ALKAL1: variants seen among roughly 807,000 people sequenced by gnomAD.
ALKAL1 encodes ALK and LTK ligand 1.
ALKAL1 carries 23 observed loss-of-function variants against 13.5 expected under a neutral mutation model. The observed-to-expected ratio is 1.70, with a 90% CI of 1.23 to 2.41. The LOEUF is 2.41. Among genes scored for constraint, ALKAL1 ranks in the 30% most tolerant of loss-of-function variants. ALKAL1 has a pLI of 0.00. For synonymous variants in ALKAL1, 85 were observed against 77.7 expected, an observed-to-expected ratio of 1.09 and a Z score of -0.49; for missense variants, 181 against 178.4, an observed-to-expected ratio of 1.01 and a Z score of -0.08.
intron 1 of ALKAL1, among the ~76,000 whole-genome samples, chr8:52,556,365 A>G (rs1847481050): frequency 6.6e-6 from 1 of 152,148 alleles, no homozygotes. Context: ...TTGGATGGAT[A>G]GGCCGGGCGC....
At chr8:52,554,307 A>G (rs1006542517) in intron 1 of ALKAL1, among the ~76,000 whole-genome samples, 1 of 152,254 alleles carries the variant, frequency 6.6e-6, no homozygotes, top group Non-Finnish European at 1.5e-5. Flanking sequence ...ATGTGTAATC[A>G]GTTATTAAGA....
At chr8:52,547,202 A>G (rs1249593332) in intron 1 of ALKAL1, among the ~76,000 whole-genome samples, 8 of 152,212 alleles carry the variant, frequency 5.3e-5, no homozygotes, top group Admixed American at 2.6e-4. Context: ...ACTGAATATA[A>G]GAAAATTACC....
rs150742227 is a variant in ALKAL1 at position 52,543,167 on chromosome 8, C to T, written c.191-722G>A. 5.6e-3 allele frequency among the ~76,000 whole-genome samples: 847 copies of T among 152,338 alleles called. 7 individuals carry two copies. Among genetic ancestry groups the T allele is most frequent in the African/African-American group, 0.02 (812 of 41,580 alleles). ...ATCCAGAAAATGCAATTTATACAAACAATCGGGAGCATGTGCAACTCTTTC... is the reference window on the plus strand; with the variant it reads ...ATCCAGAAAATGCAATTTATACAAATAATCGGGAGCATGTGCAACTCTTTC... On this transcript the variant is annotated intron_variant, in intron 1 of 4. Transcript: ENST00000358543.
intron 4 of ALKAL1, 76 bp from the exon 5 acceptor site, chr8:52,534,676 A>C: frequency 4.1e-6 from 2 of 483,032 alleles, no homozygotes; most frequent in Non-Finnish European, 3.6e-6. Flanking sequence ...CAGTTTCAAC[A>C]GTTTTATTTT....
Position 52,565,074 on chromosome 8 carries a change from C to T in ALKAL1, c.183G>A (p.Arg61=). 1.4e-6 allele frequency: 2 copies of T among 1,402,126 alleles called. No individual in the cohort carries two copies. Among genetic ancestry groups the T allele is most frequent in the Non-Finnish European group, 1.9e-6 (2 of 1,075,796 alleles). The allele number at this position is 1,402,126 out of a possible 1,614,324, so 86.9% of individuals were successfully genotyped here. ...GGGATGGGGACATCGTACCTGCGCT[C>T]CGGGAGCCGCTGGGAGTCCGGCCGG... ...AGAGRTPSGS[R]SAEIFPRDSN... Residue 61 remains arginine (R), a synonymous_variant, in exon 1 of 5, where the codon CGG becomes CGA. Coordinates refer to ENST00000358543, the MANE Select transcript of ALKAL1 (RefSeq NM_207413.4).
At chr8:52,535,800 G>T (rs948359902) in intron 4 of ALKAL1, among the ~76,000 whole-genome samples, 3 of 152,198 alleles carry the variant, frequency 2.0e-5, no homozygotes, top group Non-Finnish European at 2.9e-5. Context: ...GATAGGTCAA[G>T]ATTGTCTCAG....
At chr8:52,544,038 G>A (rs981221575) in intron 1 of ALKAL1, among the ~76,000 whole-genome samples, 1 of 151,834 alleles carries the variant, frequency 6.6e-6, no homozygotes, top group African/African-American at 2.4e-5. Context: ...AGCATGATGG[G>A]GCACCGTGTG....
intron 3 of ALKAL1, among the ~76,000 whole-genome samples, chr8:52,539,489 T>C (rs1204482611): frequency 1.3e-5 from 2 of 152,170 alleles, no homozygotes. Context: ...TACTTAGAGT[T>C]CACAGTCATC....
intron 1 of ALKAL1, among the ~76,000 whole-genome samples, chr8:52,552,705 G>T (rs1264044999): frequency 6.6e-6 from 1 of 152,190 alleles, no homozygotes; most frequent in Non-Finnish European, 1.5e-5. Context: ...CTTGGCTCCT[G>T]TGTTCCTTTG....
At position 52,534,324 on chromosome 8, in the gene ALKAL1, C is replaced by G. The variant is rs1847247310; in HGVS notation, c.*289G>C. 3.7e-6 allele frequency: 1 copy of G among 272,098 alleles called. No individual in the cohort carries two copies. The highest frequency in any genetic ancestry group is 2.2e-5 in the African/African-American group (1 of 45,658). The allele number at this position is 272,098 out of a possible 1,614,324, so 16.9% of individuals were successfully genotyped here. A position where few individuals can be genotyped will look rare whatever the true frequency, so the allele number is the denominator to read the frequency against. On this transcript the variant is annotated 3_prime_UTR_variant, in exon 5 of 5. Transcript: ENST00000358543. ...TAACCATATAAAGAAAATAATATAT[C>G]TAGTAAAAATAAAATACAATCACAC...
Position 52,562,092 on chromosome 8 carries a change from C to T in ALKAL1, c.190+2975G>A, listed in dbSNP as rs1323318075. 2.0e-5 allele frequency among the ~76,000 whole-genome samples: 3 copies of T among 152,052 alleles called. No individual in the cohort carries two copies. In the East Asian group the frequency reaches 5.8e-4, roughly 29 times the overall value. On this transcript the variant is annotated intron_variant, in intron 1 of 4. Transcript: ENST00000358543. ...CCTTTGGCAGGGTTTGAGGTATGGT[C>T]CCTTGTTTGTGCCATCCTGCTGGTG...
Position 52,539,812 on chromosome 8 carries a change from A to AC in ALKAL1, c.325+18dup, listed in dbSNP as rs5891468. 63 of 1,560,276 alleles carry AC rather than the reference A, an allele frequency of 4.0e-5. No individual in the cohort carries two copies. The highest frequency in any genetic ancestry group is 1.6e-4 in the East Asian group (7 of 44,598). The stretch of plus-strand genomic sequence containing the variant: ...TTGTTGGATAATTAAAAAAAAAAAA[A>AC]CCCACCCAAGTTACTTACAAGCTGG... On this transcript the variant is annotated intron_variant, in intron 3 of 4. Coordinates refer to ENST00000358543, the MANE Select transcript of ALKAL1 (RefSeq NM_207413.4).
At chr8:52,542,581 GT>G in intron 1 of ALKAL1, 136 bp from the exon 2 acceptor site, 1 of 619,030 alleles carries the variant, frequency 1.6e-6, no homozygotes, top group Non-Finnish European at 2.8e-6. Flanking sequence ...TCCCAAACTG[GT>G]TTCTCCAGCC....
intron 1 of ALKAL1, among the ~76,000 whole-genome samples, chr8:52,555,869 C>T (rs1330648571): frequency 6.6e-6 from 1 of 152,214 alleles, no homozygotes; most frequent in Non-Finnish European, 1.5e-5. Flanking sequence ...GTGCTCCTGT[C>T]TTTAGGGACC....
chr8:52,556,092 T>C (rs1227666447), intron 1 of ALKAL1, among the ~76,000 whole-genome samples: 2 of 152,184 alleles, frequency 1.3e-5, no homozygotes, highest in Admixed American at 6.5e-5. Flanking sequence ...TAATCTTCTA[T>C]AACAATTTTA....
Position 52,565,182 on chromosome 8 carries a change from G to T in ALKAL1, c.75C>A (p.Ala25=). 1 of 1,375,860 alleles carries T rather than the reference G, an allele frequency of 7.3e-7. No individual in the cohort carries two copies. Among genetic ancestry groups the T allele is most frequent in the Non-Finnish European group, 9.5e-7 (1 of 1,056,170 alleles). The allele number at this position is 1,375,860 out of a possible 1,614,324, so 85.2% of individuals were successfully genotyped here. A position where few individuals can be genotyped will look rare whatever the true frequency, so the allele number is the denominator to read the frequency against. ...CCCTGCGCCCCCGGGGCCTCCCGTG[G>T]GCTCCGTGCGGGGACAAAGCCAGCG... The part of the protein sequence containing the change: ...LLALALSPHG[A]HGRPRGRRGA... Residue 25 remains alanine, a synonymous_variant, in exon 1 of 5, where the codon GCC becomes GCA. Coordinates refer to ENST00000358543, the MANE Select transcript of ALKAL1 (RefSeq NM_207413.4).
chr8:52,538,481 T>C lies in ALKAL1; in HGVS notation c.352A>G (p.Thr118Ala), dbSNP rs1847282937. The C allele has an allele frequency of 6.2e-7, 1 of 1,610,636 alleles. No individual in the cohort carries two copies. Among genetic ancestry groups the C allele is most frequent in the Admixed American group, 1.7e-5 (1 of 59,940 alleles). The change falls in exon 4 of 5, where the codon ACA becomes GCA. Residue 118 changes from threonine to alanine, a missense_variant. Coordinates refer to ENST00000358543, the MANE Select transcript of ALKAL1 (RefSeq NM_207413.4). ...AYYKRCARLLTRLAVSPLCSQ... is the reference protein window; with the variant it reads ...AYYKRCARLLARLAVSPLCSQ... ...CACAGTGGACTCACTGCTAATCTTG[T>C]TAACAATCTAGCACATCTTTTGTAA...
chr8:52,543,625 G>C (rs1847336414), intron 1 of ALKAL1, among the ~76,000 whole-genome samples: 1 of 152,180 alleles, frequency 6.6e-6, no homozygotes. Flanking sequence ...GAAAAACAAA[G>C]CAGCAGTAAA....
chr8:52,538,354 CT>C (rs1847281773), intron 4 of ALKAL1, 76 bp downstream of exon 4: 1 of 852,568 alleles, frequency 1.2e-6, no homozygotes, highest in Non-Finnish European at 1.9e-6. Flanking sequence ...TATGTGTCAA[CT>C]AAAAAGAAAA....
Sources: gnomAD v4.1 joint callset for allele counts (sites outside exome capture counted in the v4.1 genomes callset) on GRCh38, gnomAD v4.1.1 for gene constraint, MANE v1.5 for transcripts, NCBI Gene and HGNC (gene_info 2026-07-23, HGNC 2026-07-21) for gene names.